Variants in FMN1 observed in about 807,000 individuals in gnomAD.
FMN1 encodes formin 1, also known as formin-1.
FMN1 carries 110 observed loss-of-function variants against 132.4 expected under a neutral mutation model. That is an observed-to-expected ratio of 0.83 (90% CI 0.71 to 0.97). The LOEUF (loss-of-function observed/expected upper bound fraction) is 0.97, where lower values mean the gene tolerates loss of function less well. FMN1 is among the 50% of genes least tolerant of loss of function. The pLI, the probability that FMN1 is intolerant of heterozygous loss-of-function variation, is 0.00. For synonymous variants in FMN1, 722 were observed against 651.7 expected (o/e 1.11, Z -1.64); for missense variants, 1,792 against 1,705.3 (o/e 1.05, Z -0.90).
intron 2 of FMN1, among the ~76,000 whole-genome samples, chr15:33,181,964 C>A (rs917381129): frequency 6.6e-6 from 1 of 152,094 alleles, no homozygotes. Flanking sequence ...CCTGCCTCGG[C>A]CTCCCAAAGT....
chr15:33,011,952 G>C (rs1254589996), intron 6 of FMN1, among the ~76,000 whole-genome samples: 1 of 152,158 alleles, frequency 6.6e-6, no homozygotes, highest in Non-Finnish European at 1.5e-5. Flanking sequence ...GTGCAAACTG[G>C]TATAATCACT....
intron 10 of FMN1, among the ~76,000 whole-genome samples, chr15:32,918,240 G>T (rs533946357): frequency 1.9e-3 from 288 of 151,808 alleles, no homozygotes; most frequent in Non-Finnish European, 3.2e-3. Flanking sequence ...TGCCAAAACT[G>T]ACTAACAAGG....
chr15:32,817,236 T>C (rs2058084763), intron 17 of FMN1, among the ~76,000 whole-genome samples: 1 of 152,216 alleles, frequency 6.6e-6, no homozygotes, highest in African/African-American at 2.4e-5. Context: ...GTCCTGTAAA[T>C]AATCATGAAA....
chr15:32,794,171 T>TA (rs11353364), intron 19 of FMN1, among the ~76,000 whole-genome samples: 1 of 152,024 alleles, frequency 6.6e-6, no homozygotes, highest in African/African-American at 2.4e-5. Flanking sequence ...GGCTGGGTAA[T>TA]AAAAAAAACA....
At chr15:32,805,632 G>A (rs2057653427) in intron 17 of FMN1, among the ~76,000 whole-genome samples, 1 of 152,158 alleles carries the variant, frequency 6.6e-6, no homozygotes, top group Non-Finnish European at 1.5e-5. Flanking sequence ...ATACTTTTGA[G>A]AGTAATGTTA....
intron 19 of FMN1, among the ~76,000 whole-genome samples, chr15:32,788,960 C>G (rs1043687632): frequency 2.6e-5 from 4 of 152,134 alleles, no homozygotes; most frequent in African/African-American, 7.2e-5. Flanking sequence ...GATTCTTGGG[C>G]AAAAGCAACC....
intron 17 of FMN1, among the ~76,000 whole-genome samples, chr15:32,847,791 C>T (rs947087220): frequency 6.6e-5 from 10 of 152,008 alleles, no homozygotes; most frequent in African/African-American, 1.9e-4. Flanking sequence ...GGAGGCGGAG[C>T]GTGCAGTGAG....
intron 9 of FMN1, among the ~76,000 whole-genome samples, chr15:32,945,546 C>T (rs554180373): frequency 6.6e-6 from 1 of 152,164 alleles, no homozygotes; most frequent in African/African-American, 2.4e-5. Context: ...TTCTTTCCAA[C>T]ATGTTAGAGT....
rs150502983 is a variant in FMN1, at chr15:33,171,932, G to A, written c.-132+8266C>T. Among the ~76,000 whole-genome samples, 758 of 152,188 alleles carry A rather than the reference G, an allele frequency of 5.0e-3. 1 individual carries two copies. Among genetic ancestry groups the A allele is most frequent in the African/African-American group, 0.018 (729 of 41,540 alleles). On this transcript the variant is annotated intron_variant, in intron 3 of 20. Transcript: ENST00000616417. ...GAATTAAAGAAATGTGTTTTTGGCC[G>A]GGCGCGGTGGCTCACGCCTGTAATC...
intron 6 of FMN1, chr15:33,064,117 G>C (rs2037608185): frequency 6.6e-6 from 1 of 152,102 alleles, no homozygotes; most frequent in Admixed American, 6.6e-5. Flanking sequence ...ACTTTGATCT[G>C]TTCATGTCTA....
At chr15:33,014,561 C>G (rs1596472150) in intron 6 of FMN1, among the ~76,000 whole-genome samples, 2 of 152,042 alleles carry the variant, frequency 1.3e-5, no homozygotes, top group East Asian at 1.9e-4. Flanking sequence ...TAAAGAACGT[C>G]TTTTTGAAAA....
chr15:32,891,261 T>C (rs2060021710), intron 15 of FMN1, among the ~76,000 whole-genome samples: 1 of 152,222 alleles, frequency 6.6e-6, no homozygotes, highest in Admixed American at 6.5e-5. Flanking sequence ...AGAGTTCTTT[T>C]TCTTGAGACG....
chr15:33,058,012 G>GGGGCTGGTAGTGGAAAGGCGTGGC (rs1298282285), intron 6 of FMN1, among the ~76,000 whole-genome samples: 1 of 146,496 alleles, frequency 6.8e-6, no homozygotes, highest in Non-Finnish European at 1.5e-5. Context: ...AAGGCGTGGC[G>GGGGCTGGTAGTGGAAAGGCGTGGC]GGGCTGGTAG....
intron 3 of FMN1, among the ~76,000 whole-genome samples, chr15:33,165,061 C>T (rs369382226): frequency 2.6e-5 from 4 of 152,182 alleles, no homozygotes; most frequent in South Asian, 2.1e-4. Context: ...TTGTACCCAC[C>T]GCCTGATTTA....
chr15:33,068,636 T>A (rs908079955), intron 5 of FMN1, among the ~76,000 whole-genome samples: 2 of 151,924 alleles, frequency 1.3e-5, no homozygotes, highest in African/African-American at 4.8e-5. Context: ...GAAGCTTTTT[T>A]TAAGTGCTTT....
chr15:32,998,187 G>C (rs2033890754), intron 7 of FMN1, among the ~76,000 whole-genome samples: 1 of 152,192 alleles, frequency 6.6e-6, no homozygotes, highest in African/African-American at 2.4e-5. Flanking sequence ...GGCTGTATTT[G>C]ATGGTATCAC....
At chr15:32,814,134 G>A (rs1014185333) in intron 17 of FMN1, among the ~76,000 whole-genome samples, 5 of 152,122 alleles carry the variant, frequency 3.3e-5, no homozygotes, top group African/African-American at 1.2e-4. Context: ...GAGTCAGGTG[G>A]TCACATTCTC....
chr15:32,832,244 C>T (rs2058520282), intron 17 of FMN1, among the ~76,000 whole-genome samples: 1 of 152,198 alleles, frequency 6.6e-6, no homozygotes, highest in Non-Finnish European at 1.5e-5. Context: ...TGACCCTTCT[C>T]AAAGCCCGAT....
chr15:32,963,022 T>A (rs1361490005), intron 9 of FMN1, among the ~76,000 whole-genome samples: 1 of 143,006 alleles, frequency 7.0e-6, no homozygotes, highest in Non-Finnish European at 1.5e-5. Flanking sequence ...TAAATCATGC[T>A]GCTATAAAGA....
Sources: allele counts gnomAD v4.1 joint callset (sites outside exome capture counted in the v4.1 genomes callset), GRCh38; gene constraint gnomAD v4.1.1; transcripts MANE v1.5; gene names NCBI Gene and HGNC (gene_info 2026-07-23, HGNC 2026-07-21).